The following DGLUCY variants were observed in gnomAD, a reference collection of about 807,000 sequenced individuals.
The protein encoded by DGLUCY is D-glutamate cyclase, mitochondrial.
A neutral mutation model predicts 58.5 loss-of-function variants in DGLUCY; 58 were observed. That is an observed-to-expected ratio of 0.99 (90% CI 0.80 to 1.23). DGLUCY has a LOEUF of 1.23. Among genes scored for constraint, DGLUCY ranks in the 50% most tolerant of loss-of-function variants. DGLUCY has a pLI of 0.00. For missense variants in DGLUCY, 779 were observed against 784.7 expected (o/e 0.99, Z 0.09); for synonymous variants, 325 against 314.1 (o/e 1.03, Z -0.37).
At chr14:91,118,602 CTTT>C (rs1347585317) in intron 1 of DGLUCY, among the ~76,000 whole-genome samples, 1 of 152,080 alleles carries the variant, frequency 6.6e-6, no homozygotes, top group African/African-American at 2.4e-5. Context: ...CAAAGAGTCT[CTTT>C]TATCTGTCTT....
At chr14:91,183,259 G>A (rs1464368104) in intron 8 of DGLUCY, among the ~76,000 whole-genome samples, 1 of 152,150 alleles carries the variant, frequency 6.6e-6, no homozygotes, top group African/African-American at 2.4e-5. Context: ...GCCTCCCAAA[G>A]TGCTGGGATT....
At chr14:91,096,402 A>G (rs1464699359) in intron 1 of DGLUCY, among the ~76,000 whole-genome samples, 2 of 139,304 alleles carry the variant, frequency 1.4e-5, no homozygotes, top group Non-Finnish European at 3.1e-5. Context: ...AGCCTGGGTG[A>G]CAGAGCGAGA....
intron 1 of DGLUCY, among the ~76,000 whole-genome samples, chr14:91,094,089 C>T (rs1247548668): frequency 2.0e-5 from 3 of 152,128 alleles, no homozygotes; most frequent in Non-Finnish European, 2.9e-5. Context: ...CGCTTGAAAA[C>T]GAGTGCATCT....
At chr14:91,186,425 T>G (rs2049526830) in intron 8 of DGLUCY, among the ~76,000 whole-genome samples, 1 of 152,056 alleles carries the variant, frequency 6.6e-6, no homozygotes, top group African/African-American at 2.4e-5. Flanking sequence ...TTTTGTATTT[T>G]TATTAGAGAC....
intron 1 of DGLUCY, chr14:91,091,205 C>A (rs747644290): frequency 2.6e-5 from 4 of 152,118 alleles, no homozygotes; most frequent in Non-Finnish European, 5.9e-5. Flanking sequence ...CCATAAATTC[C>A]TCTTCTGGAA....
At chr14:91,111,608 G>A (rs2044702471), upstream of DGLUCY, among the ~76,000 whole-genome samples, 1 of 152,050 alleles carries the variant, frequency 6.6e-6, no homozygotes, top group African/African-American at 2.4e-5. Flanking sequence ...AAACTTACTA[G>A]GCTATCACTC....
Position 91,173,371 on chromosome 14 carries a change from A to G in DGLUCY, c.539A>G (p.Glu180Gly). ...TMRPIPKDKLEGLVRACCSLG... is the reference protein window; with the variant it reads ...TMRPIPKDKLGGLVRACCSLG... The stretch of plus-strand genomic sequence containing the variant: ...AGGCCCATTCCCAAGGACAAGCTGG[A>G]AGGGCTGGTGCGGGCCTGCTGCTCC... Residue 180 changes from glutamate to glycine, a missense_variant, in exon 6 of 14, where the codon GAA becomes GGA. Transcript: ENST00000256324. 1 of 1,613,298 alleles carries G rather than the reference A, an allele frequency of 6.2e-7. No homozygotes were observed. Among genetic ancestry groups the G allele is most frequent in the Non-Finnish European group, 8.5e-7 (1 of 1,179,888 alleles).
chr14:91,093,751 A>G (rs959183680), intron 1 of DGLUCY, among the ~76,000 whole-genome samples: 2 of 151,896 alleles, frequency 1.3e-5, no homozygotes, highest in Non-Finnish European at 2.9e-5. Context: ...GTCACGGTGA[A>G]CTGAGATGGA....
At chr14:91,145,502 G>A (rs2046962933) in intron 1 of DGLUCY, among the ~76,000 whole-genome samples, 4 of 152,150 alleles carry the variant, frequency 2.6e-5, no homozygotes, top group Admixed American at 2.6e-4. Flanking sequence ...GGGTCCACTT[G>A]TGAGTTGAGG....
intron 3 of DGLUCY, among the ~76,000 whole-genome samples, chr14:91,166,611 G>A (rs2048298760): frequency 6.6e-6 from 1 of 151,926 alleles, no homozygotes; most frequent in South Asian, 2.1e-4. Context: ...GTTGCAGTGA[G>A]CCAAGATCAA....
chr14:91,173,734 G>T, intron 6 of DGLUCY: 1 of 300,318 alleles, frequency 3.3e-6, no homozygotes, highest in Non-Finnish European at 6.2e-6. Flanking sequence ...TGGGCTTACA[G>T]ATGCCCCTCA....
At chr14:91,103,671 CTCTT>C (rs1344509534), upstream of DGLUCY, among the ~76,000 whole-genome samples, 2 of 152,168 alleles carry the variant, frequency 1.3e-5, no homozygotes, top group African/African-American at 2.4e-5. Flanking sequence ...CTGTCTTTCT[CTCTT>C]TATATATCTC....
intron 1 of DGLUCY, among the ~76,000 whole-genome samples, chr14:91,067,447 A>G (rs2043842349): frequency 6.6e-6 from 1 of 152,230 alleles, no homozygotes. Flanking sequence ...GGCCCACCAC[A>G]TCATACTTTC....
At chr14:91,209,943 A>T (rs1885405012) in intron 12 of DGLUCY, among the ~76,000 whole-genome samples, 1 of 152,210 alleles carries the variant, frequency 6.6e-6, no homozygotes, top group Admixed American at 6.5e-5. Flanking sequence ...AGTTATCAGG[A>T]TAAAGAGGGG....
intron 1 of DGLUCY, 88 bp downstream of exon 1, chr14:91,114,371 A>G (rs887026458): frequency 1.3e-5 from 2 of 152,426 alleles, no homozygotes; most frequent in South Asian, 4.1e-4. Context: ...AAGGAGCCCA[A>G]GGGTATTCTG....
intron 1 of DGLUCY, among the ~76,000 whole-genome samples, chr14:91,122,602 GTTTT>G (rs60627604): frequency 1.9e-5 from 2 of 104,816 alleles, no homozygotes; most frequent in Non-Finnish European, 3.5e-5. Flanking sequence ...AAAGAAAAAA[GTTTT>G]TTTTTTTTTT....
At chr14:91,196,287 C>T in intron 9 of DGLUCY, 88 bp from the exon 10 acceptor site, 1 of 957,630 alleles carries the variant, frequency 1.0e-6, no homozygotes, top group Non-Finnish European at 1.7e-6. Context: ...GTAATGATAC[C>T]CTTCAAAGAA....
chr14:91,179,987 G>C (rs1393319260), intron 7 of DGLUCY, among the ~76,000 whole-genome samples: 1 of 144,974 alleles, frequency 6.9e-6, no homozygotes, highest in African/African-American at 2.6e-5. Context: ...TGCCTCCCAG[G>C]TTCAAGCAAT....
chr14:91,146,908 C>T (rs2047042787), intron 1 of DGLUCY, among the ~76,000 whole-genome samples: 1 of 152,066 alleles, frequency 6.6e-6, no homozygotes, highest in East Asian at 1.9e-4. Flanking sequence ...CAAGCTGTTC[C>T]CCTGGAAATG....
Sources: allele counts gnomAD v4.1 joint callset (sites outside exome capture counted in the v4.1 genomes callset), GRCh38; gene constraint gnomAD v4.1.1; transcripts MANE v1.5; gene names NCBI Gene and HGNC (gene_info 2026-07-23, HGNC 2026-07-21).